Variants in NXPE2 observed in about 807,000 individuals in gnomAD.
The protein encoded by NXPE2 is NXPE family member 2.
In NXPE2, 34 loss-of-function variants were observed where a neutral mutation model predicts 34.4. The observed-to-expected ratio is 0.99, with a 90% CI of 0.75 to 1.31. The LOEUF is 1.31. Ranked by LOEUF, NXPE2 falls within the 40% of genes most tolerant of loss-of-function variation. The pLI, the probability that NXPE2 is intolerant of heterozygous loss-of-function variation, is 0.00. For missense variants in NXPE2, 649 were observed against 672.5 expected, an observed-to-expected ratio of 0.97 and a Z score of 0.39; for synonymous variants, 235 against 231.3, an observed-to-expected ratio of 1.02 and a Z score of -0.15.
At chr11:114,471,734 C>T in the NXPE2 span, among the ~76,000 whole-genome samples, 12 of 152,262 alleles carry the variant, frequency 7.9e-5, no homozygotes, top group Admixed American at 5.2e-4. Context: ...CTCCAAACGT[C>T]TTGTCAGTAA....
the NXPE2 span, chr11:114,580,409 C>G: frequency 2.4e-6 from 3 of 1,275,392 alleles, no homozygotes; most frequent in South Asian, 2.4e-5. Context: ...TAAGAGCCTT[C>G]TATCCTCTAA....
At chr11:114,599,176 A>G in the NXPE2 span, among the ~76,000 whole-genome samples, 1 of 152,128 alleles carries the variant, frequency 6.6e-6, no homozygotes, top group Non-Finnish European at 1.5e-5. Context: ...ATCACTTTCA[A>G]GGTCAAAGTT....
chr11:114,612,830 G>A, the NXPE2 span, among the ~76,000 whole-genome samples: 1 of 151,858 alleles, frequency 6.6e-6, no homozygotes, highest in Non-Finnish European at 1.5e-5. Context: ...TTACCCAGAG[G>A]ATAGTAAGTA....
the NXPE2 span, among the ~76,000 whole-genome samples, chr11:114,714,468 A>G: frequency 1.3e-5 from 2 of 152,196 alleles, no homozygotes; most frequent in African/African-American, 2.4e-5. Flanking sequence ...AAAGTAGCCT[A>G]AGGAGGAGTG....
the NXPE2 span, among the ~76,000 whole-genome samples, chr11:114,647,975 C>T: frequency 1.3e-5 from 2 of 152,154 alleles, no homozygotes; most frequent in Admixed American, 6.6e-5. Flanking sequence ...TCTGGGATTA[C>T]AGGCATGAGC....
chr11:114,648,905 A>G, the NXPE2 span, among the ~76,000 whole-genome samples: 4 of 152,190 alleles, frequency 2.6e-5, no homozygotes, highest in African/African-American at 9.7e-5. Flanking sequence ...TATGATACGA[A>G]GTCAATACAT....
At chr11:114,556,808 C>T in the NXPE2 span, among the ~76,000 whole-genome samples, 4 of 151,922 alleles carry the variant, frequency 2.6e-5, no homozygotes, top group South Asian at 2.1e-4. Flanking sequence ...TTCATATTAT[C>T]GTTGATATAT....
At chr11:114,567,424 C>G in the NXPE2 span, among the ~76,000 whole-genome samples, 1 of 151,994 alleles carries the variant, frequency 6.6e-6, no homozygotes, top group Non-Finnish European at 1.5e-5. Flanking sequence ...GGAAAACCAA[C>G]GATCTCTGCT....
the NXPE2 span, chr11:114,552,212 A>T: frequency 6.6e-6 from 1 of 152,178 alleles, no homozygotes. Context: ...TTGAATCACT[A>T]CCTTCTGATT....
the NXPE2 span, among the ~76,000 whole-genome samples, chr11:114,620,804 A>T: frequency 1.3e-5 from 2 of 151,710 alleles, no homozygotes; most frequent in African/African-American, 4.8e-5. Context: ...GTGTTGCCTC[A>T]GGGGAACCAC....
At chr11:114,620,118 A>G in the NXPE2 span, among the ~76,000 whole-genome samples, 2 of 152,132 alleles carry the variant, frequency 1.3e-5, no homozygotes, top group Admixed American at 6.5e-5. Flanking sequence ...AGTGGATAAT[A>G]CGTATTTCCT....
chr11:114,713,707 A>G, the NXPE2 span, among the ~76,000 whole-genome samples: 1 of 152,224 alleles, frequency 6.6e-6, no homozygotes, highest in Non-Finnish European at 1.5e-5. Context: ...ATTTTCTTCG[A>G]TACTGAATCA....
At chr11:114,639,316 C>T in the NXPE2 span, among the ~76,000 whole-genome samples, 22,039 of 151,940 alleles carry the variant, frequency 0.15, 2,048 homozygotes, top group East Asian at 0.38. Context: ...TTAAGCCCGT[C>T]GGAAAAGTGC....
the NXPE2 span, among the ~76,000 whole-genome samples, chr11:114,577,023 A>G: frequency 7.2e-5 from 2 of 27,618 alleles, no homozygotes; most frequent in Non-Finnish European, 6.3e-5. Context: ...ATATATATAT[A>G]TATACATATA....
chr11:114,771,993 G>A, the NXPE2 span, among the ~76,000 whole-genome samples: 1 of 152,222 alleles, frequency 6.6e-6, no homozygotes, highest in Non-Finnish European at 1.5e-5. Context: ...TGTGAGGGTG[G>A]TAGCAGGGGA....
the NXPE2 span, chr11:114,580,063 C>G: frequency 7.6e-6 from 10 of 1,312,998 alleles, no homozygotes; most frequent in African/African-American, 8.7e-5. Context: ...CCCATATTCC[C>G]TTCTCCCCTT....
chr11:114,725,132 T>C, the NXPE2 span, among the ~76,000 whole-genome samples: 448 of 152,208 alleles, frequency 2.9e-3, no homozygotes, highest in Non-Finnish European at 5.2e-3. Flanking sequence ...CATGCAGTTA[T>C]AGAACTTTGA....
chr11:114,759,190 G>C, the NXPE2 span, among the ~76,000 whole-genome samples: 3 of 152,162 alleles, frequency 2.0e-5, no homozygotes, highest in Admixed American at 2.0e-4. Context: ...CACCCACACA[G>C]AAGTCTTGGG....
the NXPE2 span, among the ~76,000 whole-genome samples, chr11:114,773,199 C>T: frequency 2.6e-5 from 4 of 151,864 alleles, no homozygotes; most frequent in African/African-American, 9.7e-5. Context: ...CTGTTCTCAT[C>T]CTAGGCTCCT....
Sources: allele counts gnomAD v4.1 joint callset (sites outside exome capture counted in the v4.1 genomes callset), GRCh38; gene constraint gnomAD v4.1.1; transcripts MANE v1.5; gene names NCBI Gene and HGNC (gene_info 2026-07-23, HGNC 2026-07-21).